Variants in C17orf113 observed in about 807,000 individuals in gnomAD.
C17orf113 encodes the protein chromosome 17 open reading frame 113.
A neutral mutation model predicts 11.6 loss-of-function variants in C17orf113; 5 were observed. The ratio of observed to expected loss-of-function variants is 0.43; its 90% confidence interval spans 0.23 to 0.91. The LOEUF (loss-of-function observed/expected upper bound fraction) is 0.91. C17orf113 is among the 40% of genes least tolerant of loss of function. The pLI is 0.26. For synonymous variants in C17orf113, 327 were observed against 390.6 expected (o/e 0.84, Z 1.92); for missense variants, 714 against 841.3 (o/e 0.85, Z 1.87).
At chr17:42,042,686 T>C (rs782548035) in intron 2 of C17orf113, 148 bp downstream of exon 2, 24 of 551,866 alleles carry the variant, frequency 4.3e-5, no homozygotes, top group Non-Finnish European at 5.7e-5. Flanking sequence ...ACCAGGGACA[T>C]AGGCTCTCAG....
chr17:42,039,512 A>G lies in C17orf113; in HGVS notation c.*193T>C. 2.6e-6 allele frequency: 1 copy of G among 389,360 alleles called. No individual in the cohort carries two copies. Among genetic ancestry groups the G allele is most frequent in the Non-Finnish European group, 4.3e-6 (1 of 231,078 alleles). 24.1% of individuals were successfully genotyped at this position (389,360 alleles called of 1,614,324 possible). ...TGCCCACCCGCCCAGGCCCCTCTTG[A>G]GCCAGTCCCTTCCTCCACAGCCCAC... On this transcript the variant is annotated 3_prime_UTR_variant, in exon 3 of 3. Transcript: ENST00000587304.
chr17:42,050,194 G>A lies in C17orf113; in HGVS notation c.-188+363C>T, dbSNP rs1476024432. On this transcript the variant is annotated intron_variant, in intron 1 of 2. Transcript: ENST00000587304. This position sits in a 1 kb window ranked among gnomAD's most constrained non-coding sequence, Gnocchi z 5.6. ...AGGAACAACTTGACAAGGACCCCAA[G>A]GCATGTAAGCCTCAAACAGTATTCA... is the stretch of plus-strand genomic sequence containing the variant. 1.3e-5 allele frequency among the ~76,000 whole-genome samples: 2 copies of A among 152,198 alleles called. No individual in the cohort carries two copies. Among genetic ancestry groups the A allele is most frequent in the Non-Finnish European group, 2.9e-5 (2 of 68,024 alleles).
At chr17:42,046,824 C>A (rs1032874472) in intron 1 of C17orf113, among the ~76,000 whole-genome samples, 35 of 149,744 alleles carry the variant, frequency 2.3e-4, no homozygotes, top group African/African-American at 7.9e-4. Context: ...TGAAAGAACT[C>A]TTGTTTCTGA....
At position 42,041,892 on chromosome 17, in the gene C17orf113, A is replaced by AGG. The variant is rs577997910; in HGVS notation, c.544-705_544-704dup. Among the ~76,000 whole-genome samples, 6 of 152,282 alleles carry AGG rather than the reference A, an allele frequency of 3.9e-5. No individual in the cohort carries two copies. In the South Asian group the frequency reaches 1.2e-3, roughly 32 times the overall value. On this transcript the variant is annotated intron_variant, in intron 2 of 2. Transcript: ENST00000587304. ...TTGGAGAGGGCCAGGGATAAGCCAGAGGGAACACCCTGCTCTCCAACTCCA... is the reference window on the plus strand; with the variant it reads ...TTGGAGAGGGCCAGGGATAAGCCAGAGGGGGAACACCCTGCTCTCCAACTCCA...
At position 42,039,392 on chromosome 17, in the gene C17orf113, T is replaced by C; in HGVS notation, c.*313A>G. 2 of 287,642 alleles carry C rather than the reference T, an allele frequency of 7.0e-6. No individual in the cohort carries two copies. Among genetic ancestry groups the C allele is most frequent in the Non-Finnish European group, 1.3e-5 (2 of 156,108 alleles). 17.8% of individuals were successfully genotyped at this position (287,642 alleles called of 1,614,324 possible). ...CTCCCATCTTTGGGGGGACCCAAACTTGCCCCGAGTCCAGAAGGGAAAAGG... is the reference window on the plus strand; with the variant it reads ...CTCCCATCTTTGGGGGGACCCAAACCTGCCCCGAGTCCAGAAGGGAAAAGG... On this transcript the variant is annotated 3_prime_UTR_variant, in exon 3 of 3. Coordinates refer to ENST00000587304, the MANE Select transcript of C17orf113 (RefSeq NM_001358661.2).
intron 1 of C17orf113, among the ~76,000 whole-genome samples, chr17:42,046,703 C>T (rs1313545865): frequency 6.6e-6 from 1 of 151,976 alleles, no homozygotes; most frequent in Non-Finnish European, 1.5e-5. Flanking sequence ...CTGGGCAACA[C>T]AGCAATACCC....
In C17orf113 at chr17:42,039,592, C is replaced by A; in HGVS notation, c.*113G>T. On this transcript the variant is annotated 3_prime_UTR_variant, in exon 3 of 3. Coordinates refer to ENST00000587304, the MANE Select transcript of C17orf113 (RefSeq NM_001358661.2). The stretch of plus-strand genomic sequence containing the variant: ...GAAGGGCGGGTGGATGGCCTCAGGC[C>A]CCTGGGAGGCTGCAGTCAGCAGATC... 2 of 1,029,522 alleles carry A rather than the reference C, an allele frequency of 1.9e-6. No homozygotes were observed. Among genetic ancestry groups the A allele is most frequent in the African/African-American group, 3.3e-5 (2 of 60,678 alleles). 63.8% of individuals were successfully genotyped at this position (1,029,522 alleles called of 1,614,324 possible). A position where few individuals can be genotyped will look rare whatever the true frequency, so the allele number is the denominator to read the frequency against.
chr17:42,043,991 T>G (rs1555656367), intron 1 of C17orf113, among the ~76,000 whole-genome samples: 1 of 151,810 alleles, frequency 6.6e-6, no homozygotes, highest in African/African-American at 2.4e-5. Flanking sequence ...AAGATGACTG[T>G]GCCCTTCAGC....
chr17:42,050,461 C>G lies in C17orf113; in HGVS notation c.-188+96G>C, dbSNP rs2053257703. The stretch of plus-strand genomic sequence containing the variant: ...CGGTGACAGAGCCCTCGGTGGGTCC[C>G]GCAGAGGCACTGAGCCTCCGCCCGC... On this transcript the variant is annotated intron_variant, in intron 1 of 2. Transcript: ENST00000587304. This position sits in a 1 kb window ranked among gnomAD's most constrained non-coding sequence, Gnocchi z 5.6. 6.6e-6 allele frequency: 1 copy of G among 152,102 alleles called. No homozygotes were observed. The highest frequency in any genetic ancestry group is 1.5e-5 in the Non-Finnish European group (1 of 67,998). The allele number at this position is 152,102 out of a possible 1,614,324, so 9.4% of individuals were successfully genotyped here.
rs113467574 is a variant in C17orf113 at position 42,049,135 on chromosome 17, T to A, written c.-188+1422A>T. Among the ~76,000 whole-genome samples, 1,242 of 152,084 alleles carry A rather than the reference T, an allele frequency of 8.2e-3. 6 individuals are homozygous for A. The highest frequency in any genetic ancestry group is 0.014 in the Non-Finnish European group (947 of 67,992). On this transcript the variant is annotated intron_variant, in intron 1 of 2. Transcript: ENST00000587304. ...GTTCCTCCAGAGTGCCAGGTTCCCA[T>A]CCCCCGGGTCCTTTGCCCGTGCTGT...
chr17:42,046,186 A>T (rs753290552), intron 1 of C17orf113, among the ~76,000 whole-genome samples: 5 of 151,990 alleles, frequency 3.3e-5, no homozygotes, highest in African/African-American at 4.8e-5. Flanking sequence ...TTCTGTACAT[A>T]TCTCTGCACT....
At position 42,040,025 on chromosome 17, in the gene C17orf113, C is replaced by A; in HGVS notation, c.1708G>T (p.Gly570Cys). 1 of 1,231,070 alleles carries A rather than the reference C, an allele frequency of 8.1e-7. No individual in the cohort carries two copies. Among genetic ancestry groups the A allele is most frequent in the Non-Finnish European group, 1.0e-6 (1 of 987,476 alleles). 76.3% of individuals were successfully genotyped at this position (1,231,070 alleles called of 1,614,324 possible). A position where few individuals can be genotyped will look rare whatever the true frequency, so the allele number is the denominator to read the frequency against. The change falls in exon 3 of 3, where the codon GGC becomes TGC. Residue 570 changes from glycine to cysteine, a missense_variant. By Grantham distance (159) the Gly-to-Cys change is radical (BLOSUM62 -3). This residue lies in a region of C17orf113 where 194 missense variants were observed against 197.2 expected (regional missense o/e 0.98). Transcript: ENST00000587304. Reference protein sequence around the residue: ...DFALFKRVVFGLGRLGPRALC... With the variant: ...DFALFKRVVFCLGRLGPRALC... ...GCCCGCGGGCCGAGCCGCCCAAGGC[C>A]GAATACTACGCGCTTAAACAGCGCG...
At position 42,040,259 on chromosome 17, in the gene C17orf113, C is replaced by T; in HGVS notation, c.1474G>A (p.Gly492Arg). The T allele has an allele frequency of 1.1e-5, 14 of 1,231,624 alleles. No homozygotes were observed. Among genetic ancestry groups the T allele is most frequent in the Non-Finnish European group, 1.0e-5 (10 of 987,870 alleles). 76.3% of individuals were successfully genotyped at this position (1,231,624 alleles called of 1,614,324 possible). Residue 492 changes from glycine (G) to arginine (R), a missense_variant, in exon 3 of 3, where the codon GGA becomes AGA. Coordinates refer to ENST00000587304, the MANE Select transcript of C17orf113 (RefSeq NM_001358661.2). ...TTCCGCATGGAGTCCAGGAAGGATC[C>T]CCGGAGCCACTCCAAGCCCCGGACC... ...AAVRGLEWLRGSFLDSMRKGL... is the reference protein window; with the variant it reads ...AAVRGLEWLRRSFLDSMRKGL...
intron 1 of C17orf113, among the ~76,000 whole-genome samples, chr17:42,046,396 C>T (rs1165402968): frequency 6.6e-6 from 1 of 151,732 alleles, no homozygotes; most frequent in African/African-American, 2.4e-5. Context: ...AGTTCCATAC[C>T]AGCCTGGGCA....
rs1375409183 is a variant in C17orf113 at position 42,050,140 on chromosome 17, C to T, written c.-188+417G>A. 6.6e-6 allele frequency among the ~76,000 whole-genome samples: 1 copy of T among 151,412 alleles called. No homozygotes were observed. The highest frequency in any genetic ancestry group is 2.4e-5 in the African/African-American group (1 of 41,428). On this transcript the variant is annotated intron_variant, in intron 1 of 2. Coordinates refer to ENST00000587304, the MANE Select transcript of C17orf113 (RefSeq NM_001358661.2). The surrounding 1 kb of genome is among the most constrained non-coding windows in gnomAD (Gnocchi z 5.6). ...CAGACACAGGTCTCCTCTCATTTCT[C>T]TCCACACCCTGACCAGCCGGATGGG...
chr17:42,038,764 T>C lies in C17orf113; in HGVS notation c.*941A>G, dbSNP rs1265556782. 2 of 152,252 alleles carry C rather than the reference T, an allele frequency of 1.3e-5. No individual in the cohort carries two copies. The highest frequency in any genetic ancestry group is 4.8e-5 in the African/African-American group (2 of 41,452). The allele number at this position is 152,252 out of a possible 1,614,324, so 9.4% of individuals were successfully genotyped here. On this transcript the variant is annotated 3_prime_UTR_variant, in exon 3 of 3. Transcript: ENST00000587304. ...GTTTTTATGTCTATATACACAGTTA[T>C]ACACAGAAAAGGCCTGAGGCTGCCT...
At chr17:42,044,289 T>A in intron 1 of C17orf113, among the ~76,000 whole-genome samples, 3 of 107,848 alleles carry the variant, frequency 2.8e-5, no homozygotes, top group Non-Finnish European at 5.3e-5. Context: ...GACTGGGTAA[T>A]AGAGCTAGAC....
In C17orf113 at chr17:42,043,282, G is replaced by T. The variant is rs1263282964; in HGVS notation, c.95C>A (p.Thr32Asn). 42 of 1,232,144 alleles carry T rather than the reference G, an allele frequency of 3.4e-5. No individual in the cohort carries two copies. Among genetic ancestry groups the T allele is most frequent in the Non-Finnish European group, 1.8e-5 (18 of 988,032 alleles). 76.3% of individuals were successfully genotyped at this position (1,232,144 alleles called of 1,614,324 possible). The change falls in exon 2 of 3, where the codon ACC becomes AAC. Residue 32 changes from threonine (T) to asparagine (N), a missense_variant. Coordinates refer to ENST00000587304, the MANE Select transcript of C17orf113 (RefSeq NM_001358661.2). ...CCGCTCATAGTCAAAGTCCAGCCAG[G>T]TAAACTCCTCTTTCCAGTGCTCGTT... is the stretch of plus-strand genomic sequence containing the variant. ...YFNEHWKEEF[T>N]WLDFDYERKL...
At position 42,043,115 on chromosome 17, in the gene C17orf113, C is replaced by T. The variant is rs1598186555; in HGVS notation, c.262G>A (p.Ala88Thr). The change falls in exon 2 of 3, where the codon GCT becomes ACT. Residue 88 changes from alanine to threonine, a missense_variant. Ala to Thr is a moderately conservative substitution (Grantham distance 58). Around this residue, in one of 3 missense-constraint regions of C17orf113, gnomAD observed 516 missense variants for 626.6 expected, o/e 0.82. Coordinates refer to ENST00000587304, the MANE Select transcript of C17orf113 (RefSeq NM_001358661.2). Reference protein sequence around the residue: ...RHVTSGAHRQALAVNQGQPPF... With the variant: ...RHVTSGAHRQTLAVNQGQPPF... ...GGCTGGCCCTGGTTGACAGCCAGAGCCTGGCGGTGGGCTCCTGAGGTCACG... is the reference window on the plus strand; with the variant it reads ...GGCTGGCCCTGGTTGACAGCCAGAGTCTGGCGGTGGGCTCCTGAGGTCACG... The T allele has an allele frequency of 8.1e-7, 1 of 1,232,250 alleles. No individual in the cohort carries two copies. Among genetic ancestry groups the T allele is most frequent in the African/African-American group, 1.5e-5 (1 of 64,544 alleles). The allele number at this position is 1,232,250 out of a possible 1,614,324, so 76.3% of individuals were successfully genotyped here.
Sources: allele counts gnomAD v4.1 joint callset (sites outside exome capture counted in the v4.1 genomes callset), GRCh38; gene constraint gnomAD v4.1.1; regional missense constraint gnomAD v4.1.1; non-coding constraint Gnocchi (gnomAD v3.1); transcripts MANE v1.5; gene names NCBI Gene and HGNC (gene_info 2026-07-23, HGNC 2026-07-21).